Variants in SFMBT2 observed in about 807,000 individuals in gnomAD.
SFMBT2 encodes the protein Scm like with four mbt domains 2.
A neutral mutation model predicts 110.1 loss-of-function variants in SFMBT2; 38 were observed. The observed-to-expected ratio is 0.35, with a 90% CI of 0.27 to 0.45. The LOEUF (loss-of-function observed/expected upper bound fraction) is 0.45, where lower values mean the gene tolerates loss of function less well. SFMBT2 is among the 20% of genes least tolerant of loss of function. The pLI is 1.00. For missense variants in SFMBT2, 1,011 were observed against 1,094.9 expected (o/e 0.92, Z 1.08); for synonymous variants, 425 against 425.4 (o/e 1.00, Z 0.01).
chr10:7,311,800 A>G (rs1301739106), intron 4 of SFMBT2, among the ~76,000 whole-genome samples: 1 of 152,234 alleles, frequency 6.6e-6, no homozygotes, highest in Admixed American at 6.5e-5. Context: ...CCTCTAAAAA[A>G]GGGGGTTTAT....
At chr10:7,368,150 A>C in intron 3 of SFMBT2, 1 of 275,100 alleles carries the variant, frequency 3.6e-6, no homozygotes, top group Non-Finnish European at 5.5e-6. Context: ...CCAAAACATT[A>C]TCACCTCAAC....
intron 4 of SFMBT2, among the ~76,000 whole-genome samples, chr10:7,318,484 C>A (rs1435911909): frequency 2.0e-5 from 3 of 152,182 alleles, no homozygotes; most frequent in African/African-American, 7.2e-5. Flanking sequence ...TGCCCAAGTA[C>A]TTGGACTTGT....
At chr10:7,286,839 G>A (rs1048622528) in intron 4 of SFMBT2, among the ~76,000 whole-genome samples, 3 of 152,148 alleles carry the variant, frequency 2.0e-5, no homozygotes, top group East Asian at 3.9e-4. Context: ...ACAGCACTGG[G>A]AAATAATACT....
chr10:7,307,381 C>T (rs1390810506), intron 4 of SFMBT2, among the ~76,000 whole-genome samples: 1 of 152,092 alleles, frequency 6.6e-6, no homozygotes, highest in East Asian at 1.9e-4. Context: ...CCAAGGAGAG[C>T]CAAAACACTC....
chr10:7,409,792 A>T lies in SFMBT2; in HGVS notation c.-52+1069T>A, dbSNP rs1200182370. On this transcript the variant is annotated intron_variant, in intron 1 of 20. Coordinates refer to ENST00000397167, the MANE Select transcript of SFMBT2 (RefSeq NM_001387889.1). ...CTCAAAACCTTTATTTTCAGTTTTTAAAAGCCACCTTAGCCCGCCATATTG... is the reference window on the plus strand; with the variant it reads ...CTCAAAACCTTTATTTTCAGTTTTTTAAAGCCACCTTAGCCCGCCATATTG... Among the ~76,000 whole-genome samples, 9 of 152,158 alleles carry T rather than the reference A, an allele frequency of 5.9e-5. No homozygotes were observed. In the East Asian group the frequency reaches 1.7e-3, roughly 29 times the overall value.
At position 7,171,928 on chromosome 10, in the gene SFMBT2, C is replaced by G. The variant is rs1359675702; in HGVS notation, c.2382G>C (p.Glu794Asp). The change falls in exon 19 of 21, where the codon GAG (glutamate) becomes GAC (aspartate). Residue 794 changes from glutamate (E) to aspartate (D), a missense_variant. Coordinates refer to ENST00000397167, the MANE Select transcript of SFMBT2 (RefSeq NM_001387889.1). This position sits in a 1 kb window ranked among gnomAD's most constrained non-coding sequence, Gnocchi z 4.9. ...APAASSAEEG[E>D]KCPPTKPEGT... ...CCTCGGGCTTGGTCGGCGGGCACTTCTCCCCTTCCTCTGCTGAGGAGGCAG... is the reference window on the plus strand; with the variant it reads ...CCTCGGGCTTGGTCGGCGGGCACTTGTCCCCTTCCTCTGCTGAGGAGGCAG... 6.9e-7 allele frequency: 1 copy of G among 1,447,394 alleles called. No homozygotes were observed. The highest frequency in any genetic ancestry group is 9.1e-7 in the Non-Finnish European group (1 of 1,103,552). The allele number at this position is 1,447,394 out of a possible 1,614,324, so 89.7% of individuals were successfully genotyped here.
intron 20 of SFMBT2, among the ~76,000 whole-genome samples, chr10:7,169,169 T>C (rs977869610): frequency 1.1e-4 from 17 of 152,098 alleles, no homozygotes; most frequent in African/African-American, 4.1e-4. Flanking sequence ...TTTTGCCACG[T>C]TGGCCAGGCT....
Position 7,205,834 on chromosome 10 carries a change from A to G in SFMBT2, c.1425T>C (p.Thr475=). Residue 475 remains threonine (T), a synonymous_variant, in exon 12 of 21, where the codon ACT becomes ACC. Transcript: ENST00000397167. ...GWCEANSYPL[T]APHKTVSQKK... Reference sequence around the variant, plus strand: ...ACTTACAGACTGTTTTGTGTGGTGCAGTCAAAGGATAAGAATTGGCTTCAC... The same window carrying G: ...ACTTACAGACTGTTTTGTGTGGTGCGGTCAAAGGATAAGAATTGGCTTCAC... The G allele has an allele frequency of 6.2e-7, 1 of 1,614,092 alleles. No homozygotes were observed. Among genetic ancestry groups the G allele is most frequent in the Non-Finnish European group, 8.5e-7 (1 of 1,179,956 alleles).
At chr10:7,244,967 T>C (rs1055570494) in intron 8 of SFMBT2, among the ~76,000 whole-genome samples, 23 of 152,198 alleles carry the variant, frequency 1.5e-4, no homozygotes, top group African/African-American at 5.1e-4. Context: ...GAAAGGATTA[T>C]GAAAATCCTT....
intron 7 of SFMBT2, among the ~76,000 whole-genome samples, chr10:7,252,630 T>C (rs562790790): frequency 2.6e-5 from 4 of 152,322 alleles, no homozygotes; most frequent in Admixed American, 1.3e-4. Flanking sequence ...TAAAATATTC[T>C]TAAACAGTTT....
intron 7 of SFMBT2, among the ~76,000 whole-genome samples, chr10:7,262,697 C>G (rs897436977): frequency 6.6e-6 from 1 of 152,226 alleles, no homozygotes; most frequent in Non-Finnish European, 1.5e-5. Flanking sequence ...CCCCAGTGAT[C>G]AAGCAGCTGC....
chr10:7,311,641 T>C (rs969307167), intron 4 of SFMBT2, among the ~76,000 whole-genome samples: 1 of 152,220 alleles, frequency 6.6e-6, no homozygotes, highest in Non-Finnish European at 1.5e-5. Flanking sequence ...CCTACTCACG[T>C]CATGTTGACA....
At chr10:7,312,542 C>G (rs1842888182) in intron 4 of SFMBT2, among the ~76,000 whole-genome samples, 1 of 152,192 alleles carries the variant, frequency 6.6e-6, no homozygotes, top group African/African-American at 2.4e-5. Context: ...AACCCACATC[C>G]TGGACAACCG....
At chr10:7,174,034 A>T (rs1837971958) in intron 17 of SFMBT2, among the ~76,000 whole-genome samples, 1 of 152,160 alleles carries the variant, frequency 6.6e-6, no homozygotes, top group South Asian at 2.1e-4. Context: ...CCTGCGTTTG[A>T]TCACAGCATG....
At chr10:7,180,635 G>A (rs1462510533) in intron 16 of SFMBT2, among the ~76,000 whole-genome samples, 2 of 152,150 alleles carry the variant, frequency 1.3e-5, no homozygotes, top group African/African-American at 2.4e-5. Flanking sequence ...CAATCCCACT[G>A]CCTTCCCCTC....
In SFMBT2 at chr10:7,170,859, G is replaced by C. The variant is rs1837854328; in HGVS notation, c.2544+69C>G. 5 of 1,597,756 alleles carry C rather than the reference G, an allele frequency of 3.1e-6. No individual in the cohort carries two copies. The highest frequency in any genetic ancestry group is 3.4e-6 in the Non-Finnish European group (4 of 1,167,798). On this transcript the variant is annotated intron_variant, in intron 20 of 20. Coordinates refer to ENST00000397167, the MANE Select transcript of SFMBT2 (RefSeq NM_001387889.1). The surrounding 1 kb of genome is among the most constrained non-coding windows in gnomAD (Gnocchi z 4.6). The stretch of plus-strand genomic sequence containing the variant: ...GCAGGTGTCACGAGGAAGCCGGCTA[G>C]GACACGAGGTTCATTTCAGATGCAG...
At chr10:7,410,689 C>T (rs918941948) in intron 1 of SFMBT2, among the ~76,000 whole-genome samples, 172 bp downstream of exon 1, 2 of 151,938 alleles carry the variant, frequency 1.3e-5, no homozygotes, top group African/African-American at 4.8e-5. Context: ...CCCAGCCTTC[C>T]CCCACCCGCC....
chr10:7,225,868 A>G (rs924745910), intron 10 of SFMBT2, among the ~76,000 whole-genome samples: 1 of 152,172 alleles, frequency 6.6e-6, no homozygotes, highest in African/African-American at 2.4e-5. Context: ...TTAGGGTGCT[A>G]TAAGATGTTT....
rs190684525 is a variant in SFMBT2 at position 7,299,171 on chromosome 10, T to A, written c.437-13217A>T. Among the ~76,000 whole-genome samples the A allele has an allele frequency of 1.8e-3, 272 of 152,130 alleles. 1 individual carries two copies. Among genetic ancestry groups the A allele is most frequent in the African/African-American group, 6.2e-3 (258 of 41,496 alleles). On this transcript the variant is annotated intron_variant, in intron 4 of 20. Transcript: ENST00000397167. The stretch of plus-strand genomic sequence containing the variant: ...TAGGCAATACTATTCAAGACACAGG[T>A]ATGGGCAAGGACTTCATGACAAAAA...
Sources: allele counts gnomAD v4.1 joint callset (sites outside exome capture counted in the v4.1 genomes callset), GRCh38; gene constraint gnomAD v4.1.1; non-coding constraint Gnocchi (gnomAD v3.1); transcripts MANE v1.5; gene names NCBI Gene and HGNC (gene_info 2026-07-23, HGNC 2026-07-21).